The following EEPD1 variants were observed in gnomAD, a reference collection of about 807,000 sequenced individuals.
The protein encoded by EEPD1 is endonuclease/exonuclease/phosphatase family domain containing 1.
Under a neutral mutation model 46.3 loss-of-function variants are expected in EEPD1, and 17 were observed. That is an observed-to-expected ratio of 0.37 (90% CI 0.25 to 0.55). The LOEUF is 0.55. Among genes scored for constraint, EEPD1 ranks in the 20% least tolerant of loss-of-function variants. The pLI is 0.83. For missense variants in EEPD1, 673 were observed against 745.6 expected (o/e 0.90, Z 1.13); for synonymous variants, 313 against 315.6 (o/e 0.99, Z 0.09).
chr7:36,257,494 C>T (rs1487754051), intron 3 of EEPD1, among the ~76,000 whole-genome samples: 1 of 152,126 alleles, frequency 6.6e-6, no homozygotes, highest in Non-Finnish European at 1.5e-5. Context: ...CACATAGTCC[C>T]ATATTTCTTG....
chr7:36,220,934 G>A lies in EEPD1; in HGVS notation c.879-18051G>A, dbSNP rs138643268. Among the ~76,000 whole-genome samples the A allele has an allele frequency of 9.9e-3, 1,501 of 152,148 alleles. 18 individuals carry two copies. Among genetic ancestry groups the A allele is most frequent in the African/African-American group, 0.034 (1,411 of 41,504 alleles). On this transcript the variant is annotated intron_variant, in intron 2 of 7. Transcript: ENST00000242108. ...CCAGCCTCAGCCTCCTGAGTAGCTC[G>A]GATTATAGGTGCCCACCACCACACA...
At chr7:36,205,014 A>G (rs970421997) in intron 2 of EEPD1, among the ~76,000 whole-genome samples, 3 of 152,208 alleles carry the variant, frequency 2.0e-5, no homozygotes, top group African/African-American at 7.2e-5. Context: ...AGCCAGGGAC[A>G]TGGTCCAGGC....
At chr7:36,185,190 G>T (rs935975251) in intron 2 of EEPD1, among the ~76,000 whole-genome samples, 2 of 152,204 alleles carry the variant, frequency 1.3e-5, no homozygotes, top group Non-Finnish European at 2.9e-5. Flanking sequence ...TTCACCACAG[G>T]TGTCTGTATC....
At chr7:36,223,208 C>T (rs889040786) in intron 2 of EEPD1, among the ~76,000 whole-genome samples, 1 of 151,646 alleles carries the variant, frequency 6.6e-6, no homozygotes. Context: ...AATTTTAACA[C>T]AGTAATAATA....
rs1354529169 is a variant in EEPD1, at chr7:36,225,876, C to T, written c.879-13109C>T. Among the ~76,000 whole-genome samples, 1 of 152,182 alleles carries T rather than the reference C, an allele frequency of 6.6e-6. No homozygotes were observed. The highest frequency in any genetic ancestry group is 2.4e-5 in the African/African-American group (1 of 41,450). Reference sequence around the variant, plus strand: ...CTGTGAAGCCAATCAGAAAGACATTCTCAGATGTGCAGGGGCTTAGGGAAG... The same window carrying T: ...CTGTGAAGCCAATCAGAAAGACATTTTCAGATGTGCAGGGGCTTAGGGAAG... On this transcript the variant is annotated intron_variant, in intron 2 of 7. Coordinates refer to ENST00000242108, the MANE Select transcript of EEPD1 (RefSeq NM_030636.3). The surrounding 1 kb of genome is among the most constrained non-coding windows in gnomAD (Gnocchi z 4.2).
intron 3 of EEPD1, among the ~76,000 whole-genome samples, chr7:36,252,348 C>G (rs1193158630): frequency 1.3e-5 from 2 of 152,112 alleles, no homozygotes; most frequent in Non-Finnish European, 2.9e-5. Context: ...GCCCCGCCCC[C>G]CTCCATGTTT....
At chr7:36,268,538 C>T (rs912905693) in intron 3 of EEPD1, among the ~76,000 whole-genome samples, 1 of 152,208 alleles carries the variant, frequency 6.6e-6, no homozygotes, top group East Asian at 1.9e-4. Context: ...CTTCCCGTCC[C>T]TCTATCCATG....
At chr7:36,220,913 C>A (rs895573215) in intron 2 of EEPD1, among the ~76,000 whole-genome samples, 1 of 152,178 alleles carries the variant, frequency 6.6e-6, no homozygotes, top group Admixed American at 6.5e-5. Flanking sequence ...GATTCTCCAG[C>A]CTCAGCCTCC....
intron 6 of EEPD1, among the ~76,000 whole-genome samples, chr7:36,291,900 G>A (rs1787447566): frequency 6.6e-6 from 1 of 152,222 alleles, no homozygotes; most frequent in African/African-American, 2.4e-5. Flanking sequence ...TGGGGGGCGA[G>A]TGTTCTTTCA....
chr7:36,252,836 T>C (rs1386186835), intron 3 of EEPD1, among the ~76,000 whole-genome samples: 6 of 141,714 alleles, frequency 4.2e-5, no homozygotes, highest in Middle Eastern at 3.5e-3. Flanking sequence ...CTCCTTTTTT[T>C]TTTTTTTTTT....
Position 36,271,113 on chromosome 7 carries a change from A to G in EEPD1, c.931-10002A>G, listed in dbSNP as rs539589521. Among the ~76,000 whole-genome samples the G allele has an allele frequency of 4.6e-5, 7 of 151,848 alleles. No homozygotes were observed. In the South Asian group the frequency reaches 8.3e-4, roughly 18 times the overall value. On this transcript the variant is annotated intron_variant, in intron 3 of 7. Coordinates refer to ENST00000242108, the MANE Select transcript of EEPD1 (RefSeq NM_030636.3). Reference sequence around the variant, plus strand: ...GCCATTCCCCTGCCTCAGCCTCCCGAGTAGCTGGGATTACAGGCGCCCGCC... The same window carrying G: ...GCCATTCCCCTGCCTCAGCCTCCCGGGTAGCTGGGATTACAGGCGCCCGCC...
intron 2 of EEPD1, among the ~76,000 whole-genome samples, chr7:36,184,028 C>T (rs1019559126): frequency 2.0e-5 from 3 of 152,068 alleles, no homozygotes; most frequent in Non-Finnish European, 4.4e-5. Flanking sequence ...TTTAGCTTTT[C>T]TCTTGTGCAG....
At position 36,258,877 on chromosome 7, in the gene EEPD1, T is replaced by C. The variant is rs1445442134; in HGVS notation, c.930+19841T>C. ...GTTTTGCTGGCATTCCAGGTGCCAC[T>C]GGGGTATGAAAAAAAAAAAAAAAAA... On this transcript the variant is annotated intron_variant, in intron 3 of 7. Coordinates refer to ENST00000242108, the MANE Select transcript of EEPD1 (RefSeq NM_030636.3). 2.4e-5 allele frequency among the ~76,000 whole-genome samples: 3 copies of C among 123,774 alleles called. No individual in the cohort carries two copies. In the Admixed American group the frequency reaches 2.5e-4, roughly 10 times the overall value. 81.2% of individuals were successfully genotyped at this position (123,774 alleles called of 152,430 possible). A position where few individuals can be genotyped will look rare whatever the true frequency, so the allele number is the denominator to read the frequency against.
Position 36,173,325 on chromosome 7 carries a change from T to TAAA in EEPD1, c.878+18144_878+18146dup, listed in dbSNP as rs34007011. Among the ~76,000 whole-genome samples, 655 of 103,548 alleles carry TAAA rather than the reference T, an allele frequency of 6.3e-3. 9 individuals carry two copies. The highest frequency in any genetic ancestry group is 0.02 in the East Asian group (67 of 3,290). 67.9% of individuals were successfully genotyped at this position (103,548 alleles called of 152,430 possible). On this transcript the variant is annotated intron_variant, in intron 2 of 7. Transcript: ENST00000242108. ...AACATGGTGAAAGCCCGTTTATACT[T>TAAA]AAAAAAAAAAAAAAAAAAAAAAACT... is the stretch of plus-strand genomic sequence containing the variant.
chr7:36,284,854 T>G, intron 5 of EEPD1, 34 bp downstream of exon 5: 1 of 1,434,752 alleles, frequency 7.0e-7, no homozygotes, highest in Non-Finnish European at 9.2e-7. Context: ...ACGTGGAATC[T>G]GCTTCTTTCT....
At chr7:36,247,674 A>G (rs1194464300) in intron 3 of EEPD1, among the ~76,000 whole-genome samples, 1 of 152,172 alleles carries the variant, frequency 6.6e-6, no homozygotes, top group Non-Finnish European at 1.5e-5. Context: ...TGTGTTGGTA[A>G]TCCAGGACCC....
At chr7:36,262,768 T>C (rs949794316) in intron 3 of EEPD1, among the ~76,000 whole-genome samples, 4 of 152,302 alleles carry the variant, frequency 2.6e-5, no homozygotes, top group African/African-American at 7.2e-5. Flanking sequence ...TAAGTACACA[T>C]GCTTGAGCCC....
At chr7:36,175,151 C>G (rs746510340) in intron 2 of EEPD1, among the ~76,000 whole-genome samples, 1 of 152,074 alleles carries the variant, frequency 6.6e-6, no homozygotes, top group African/African-American at 2.4e-5. Flanking sequence ...ATTGACACCT[C>G]CACATAGGTT....
chr7:36,268,303 C>G (rs755769590), intron 3 of EEPD1, among the ~76,000 whole-genome samples: 4 of 152,072 alleles, frequency 2.6e-5, no homozygotes, highest in Non-Finnish European at 1.5e-5. Context: ...AGGCATCCAC[C>G]ACCGTGCCTG....
Sources: gnomAD v4.1 joint callset for allele counts (sites outside exome capture counted in the v4.1 genomes callset) on GRCh38, gnomAD v4.1.1 for gene constraint, Gnocchi (gnomAD v3.1) non-coding constraint, MANE v1.5 for transcripts, NCBI Gene and HGNC (gene_info 2026-07-23, HGNC 2026-07-21) for gene names.